The following ANKS1B variants were observed in gnomAD, a reference collection of about 807,000 sequenced individuals.
ANKS1B encodes ankyrin repeat and sterile alpha motif domain containing 1B.
A neutral mutation model predicts 148.3 loss-of-function variants in ANKS1B; 36 were observed. The ratio of observed to expected loss-of-function variants is 0.24; its 90% CI spans 0.19 to 0.32. The LOEUF (loss-of-function observed/expected upper bound fraction) is 0.32. Ranked by LOEUF, ANKS1B falls within the 10% of genes least tolerant of loss-of-function variation. ANKS1B has a pLI of 1.00. For missense variants in ANKS1B, 1,157 were observed against 1,542.6 expected, an observed-to-expected ratio of 0.75 and a Z score of 4.19; for synonymous variants, 542 against 560.8, an observed-to-expected ratio of 0.97 and a Z score of 0.47.
chr12:99,256,607 T>C (rs147590891), intron 12 of ANKS1B, among the ~76,000 whole-genome samples: 16 of 152,342 alleles, frequency 1.1e-4, no homozygotes, highest in Admixed American at 9.2e-4. Context: ...ATCTTTCTAT[T>C]TTACTCTCAT....
intron 17 of ANKS1B, among the ~76,000 whole-genome samples, chr12:98,940,101 G>T (rs772271390): frequency 6.6e-6 from 1 of 152,182 alleles, no homozygotes; most frequent in South Asian, 2.1e-4. Flanking sequence ...CACTGTGAAC[G>T]GGCCTGCAGT....
At chr12:99,983,459 AC>A (rs2095737956) in intron 1 of ANKS1B, among the ~76,000 whole-genome samples, 1 of 152,166 alleles carries the variant, frequency 6.6e-6, no homozygotes, top group Non-Finnish European at 1.5e-5. Context: ...CCCAATACCA[AC>A]CTGGCATCCT....
intron 11 of ANKS1B, 127 bp downstream of exon 11, chr12:99,443,546 C>G: frequency 1.0e-6 from 1 of 988,062 alleles, no homozygotes; most frequent in Non-Finnish European, 1.4e-6. Context: ...TGAGTCCCCT[C>G]TTTTAATTTA....
chr12:99,142,058 G>A (rs555400909), intron 15 of ANKS1B, among the ~76,000 whole-genome samples: 5 of 152,106 alleles, frequency 3.3e-5, no homozygotes, highest in South Asian at 4.2e-4. Context: ...GTTGAGTATC[G>A]GTGAAGTAAC....
At chr12:99,140,753 A>T (rs1188353856) in intron 15 of ANKS1B, among the ~76,000 whole-genome samples, 2 of 152,092 alleles carry the variant, frequency 1.3e-5, no homozygotes, top group Admixed American at 6.6e-5. Flanking sequence ...GTGGAGCATG[A>T]TTGTCTTTTC....
At chr12:99,565,656 CAT>C (rs913306732) in intron 9 of ANKS1B, among the ~76,000 whole-genome samples, 16 of 152,254 alleles carry the variant, frequency 1.1e-4, no homozygotes, top group Middle Eastern at 3.4e-3. Context: ...AAAGGTAACA[CAT>C]GTTTGTAGCT....
At chr12:98,899,785 A>T (rs1365192251) in intron 17 of ANKS1B, among the ~76,000 whole-genome samples, 1 of 152,252 alleles carries the variant, frequency 6.6e-6, no homozygotes, top group African/African-American at 2.4e-5. Context: ...TATCTGTGAC[A>T]TAATAAACAC....
At chr12:99,757,861 T>G (rs2061712083) in intron 8 of ANKS1B, among the ~76,000 whole-genome samples, 1 of 151,966 alleles carries the variant, frequency 6.6e-6, no homozygotes, top group African/African-American at 2.4e-5. Flanking sequence ...ATACCACATA[T>G]TCTCACTTGT....
At chr12:99,893,093 G>C (rs1447624191) in intron 1 of ANKS1B, among the ~76,000 whole-genome samples, 3 of 151,950 alleles carry the variant, frequency 2.0e-5, no homozygotes, top group Non-Finnish European at 2.9e-5. Flanking sequence ...TAACTTATTG[G>C]GGTTCAGGGG....
intron 2 of ANKS1B, among the ~76,000 whole-genome samples, chr12:99,825,027 C>G (rs1404615731): frequency 1.3e-5 from 2 of 152,106 alleles, no homozygotes; most frequent in African/African-American, 4.8e-5. Flanking sequence ...TTCTCTCCCC[C>G]AAAGATACAC....
chr12:99,332,825 T>C (rs1352921), intron 12 of ANKS1B, among the ~76,000 whole-genome samples: 11,622 of 151,804 alleles, frequency 0.077, 1,044 homozygotes, highest in African/African-American at 0.22. Flanking sequence ...AAGAAACAGG[T>C]TGGCCTATTC....
chr12:99,434,433 T>C (rs970254899), intron 11 of ANKS1B, among the ~76,000 whole-genome samples: 7 of 152,144 alleles, frequency 4.6e-5, no homozygotes, highest in Admixed American at 2.6e-4. Flanking sequence ...TATTTCATTT[T>C]TGATGAACAT....
chr12:99,958,438 A>C (rs1042536617), intron 1 of ANKS1B, among the ~76,000 whole-genome samples: 1 of 152,136 alleles, frequency 6.6e-6, no homozygotes, highest in Non-Finnish European at 1.5e-5. Context: ...GCTGGAGTGC[A>C]GTGGCACGAT....
At position 98,744,694 on chromosome 12, in the gene ANKS1B, A is replaced by AT. The variant is rs1296675584; in HGVS notation, c.*1044dup. The AT allele has an allele frequency of 1.1e-6, 1 of 931,702 alleles. No homozygotes were observed. Among genetic ancestry groups the AT allele is most frequent in the African/African-American group, 1.9e-5 (1 of 51,628 alleles). The allele number at this position is 931,702 out of a possible 1,614,324, so 57.7% of individuals were successfully genotyped here. A position where few individuals can be genotyped will look rare whatever the true frequency, so the allele number is the denominator to read the frequency against. The stretch of plus-strand genomic sequence containing the variant: ...GGAATTTCTTCTTTTTTTTTTTTGT[A>AT]TTTATTTTTTCTAGAAAAAGAAATT... On this transcript the variant is annotated 3_prime_UTR_variant, in exon 27 of 27. Transcript: ENST00000683438.
At chr12:99,187,250 C>T (rs530673833) in intron 14 of ANKS1B, among the ~76,000 whole-genome samples, 3 of 151,920 alleles carry the variant, frequency 2.0e-5, no homozygotes, top group African/African-American at 7.2e-5. Flanking sequence ...TGGAACCAAG[C>T]TGGAAAATAC....
At chr12:98,766,442 G>GT (rs2098481919) in intron 25 of ANKS1B, among the ~76,000 whole-genome samples, 2 of 152,210 alleles carry the variant, frequency 1.3e-5, no homozygotes, top group African/African-American at 4.8e-5. Context: ...TCTTTTACCT[G>GT]TAGGTTGCCA....
intron 17 of ANKS1B, among the ~76,000 whole-genome samples, chr12:99,046,732 G>A (rs2099962641): frequency 6.6e-6 from 1 of 151,620 alleles, no homozygotes; most frequent in African/African-American, 2.4e-5. Context: ...CCAGGAGGTG[G>A]AGCTTGCAGT....
intron 14 of ANKS1B, among the ~76,000 whole-genome samples, chr12:99,241,740 C>CA: frequency 6.6e-6 from 1 of 152,172 alleles, no homozygotes; most frequent in East Asian, 1.9e-4. Context: ...CAGGTTGGTT[C>CA]AACATACACA....
At chr12:99,365,022 G>A (rs1185294720) in intron 12 of ANKS1B, among the ~76,000 whole-genome samples, 2 of 152,128 alleles carry the variant, frequency 1.3e-5, no homozygotes, top group African/African-American at 2.4e-5. Context: ...GGATCCACTG[G>A]CCATGCTGAG....
Sources: allele counts gnomAD v4.1 joint callset (sites outside exome capture counted in the v4.1 genomes callset), GRCh38; gene constraint gnomAD v4.1.1; transcripts MANE v1.5; gene names NCBI Gene and HGNC (gene_info 2026-07-23, HGNC 2026-07-21).